PPP2R2D: variants seen among roughly 807,000 people sequenced by gnomAD.
PPP2R2D encodes the protein protein phosphatase 2 regulatory subunit Bdelta, also known as serine/threonine-protein phosphatase 2A 55 kDa regulatory subunit B delta isoform.
In PPP2R2D, 9 loss-of-function variants were observed where a neutral mutation model predicts 31.1. The ratio of observed to expected loss-of-function variants is 0.29; its 90% CI spans 0.17 to 0.51. The LOEUF is 0.51. Among genes scored for constraint, PPP2R2D ranks in the 20% least tolerant of loss-of-function variants. PPP2R2D has a pLI of 0.98. For synonymous variants in PPP2R2D, 179 were observed against 172.6 expected, an observed-to-expected ratio of 1.04 and a Z score of -0.29; for missense variants, 391 against 465.6, an observed-to-expected ratio of 0.84 and a Z score of 1.48.
At chr10:131,913,643 T>C (rs1245500951) in intron 2 of PPP2R2D, among the ~76,000 whole-genome samples, 1 of 152,118 alleles carries the variant, frequency 6.6e-6, no homozygotes. Context: ...TTCTGAGCAA[T>C]GTGTCGTTAG....
chr10:131,923,395 A>T (rs748615966), intron 2 of PPP2R2D, among the ~76,000 whole-genome samples: 1 of 152,170 alleles, frequency 6.6e-6, no homozygotes, highest in Non-Finnish European at 1.5e-5. Flanking sequence ...GGCTCTTTCA[A>T]ATGCACCTGT....
At chr10:131,924,020 T>C (rs564506015) in intron 2 of PPP2R2D, among the ~76,000 whole-genome samples, 35 of 152,198 alleles carry the variant, frequency 2.3e-4, no homozygotes, top group Non-Finnish European at 4.3e-4. Flanking sequence ...TGCCCGGGCC[T>C]TTCTTTTTAT....
At chr10:131,950,655 C>T in intron 8 of PPP2R2D, among the ~76,000 whole-genome samples, 1 of 152,176 alleles carries the variant, frequency 6.6e-6, no homozygotes, top group South Asian at 2.1e-4. Context: ...GGGAGCCTGG[C>T]CCTGCAGAAA....
intron 3 of PPP2R2D, among the ~76,000 whole-genome samples, chr10:131,936,695 T>C (rs7077135): frequency 0.24 from 37,035 of 152,172 alleles, 4,584 homozygotes; most frequent in South Asian, 0.27. Flanking sequence ...CTAAAAGATA[T>C]TGGGTATTAT....
chr10:131,928,467 C>A (rs1334002798), intron 2 of PPP2R2D, among the ~76,000 whole-genome samples: 1 of 152,190 alleles, frequency 6.6e-6, no homozygotes, highest in Non-Finnish European at 1.5e-5. Flanking sequence ...TTAGGTGATG[C>A]GTTTTAAGTA....
At chr10:131,938,954 C>G (rs2036392710) in intron 3 of PPP2R2D, among the ~76,000 whole-genome samples, 1 of 152,244 alleles carries the variant, frequency 6.6e-6, no homozygotes, top group African/African-American at 2.4e-5. Flanking sequence ...ATTTTTGCCT[C>G]TATAGCTCAT....
intron 3 of PPP2R2D, among the ~76,000 whole-genome samples, chr10:131,938,822 G>A (rs892236978): frequency 8.5e-5 from 13 of 152,170 alleles, no homozygotes; most frequent in Non-Finnish European, 1.5e-4. Flanking sequence ...TATGTGTGGC[G>A]TCTGGTTCAC....
chr10:131,929,884 C>T (rs1293754742), intron 2 of PPP2R2D, among the ~76,000 whole-genome samples: 1 of 152,206 alleles, frequency 6.6e-6, no homozygotes, highest in East Asian at 1.9e-4. Context: ...ACCTGCCCCT[C>T]CTCTCTTGCC....
the PPP2R2D span, chr10:131,970,975 G>A: frequency 7.4e-6 from 12 of 1,612,476 alleles, no homozygotes; most frequent in Non-Finnish European, 8.5e-6. The surrounding 1 kb of genome is among the most constrained non-coding windows in gnomAD (Gnocchi z 4.1). Context: ...CTCAGACTAA[G>A]ATAAAGTCAA....
rs782435865 is a variant in PPP2R2D at position 131,947,833 on chromosome 10, G to A, written c.1082+42G>A. On this transcript the variant is annotated intron_variant, in intron 8 of 8. Transcript: ENST00000455566. The surrounding 1 kb of genome is among the most constrained non-coding windows in gnomAD (Gnocchi z 4.3). ...GATGAGCTGTCGCCCCAAGCTTGCT[G>A]GTTTCCGAGAGTGCAAGGTCAGTGA... 6.3e-6 allele frequency: 10 copies of A among 1,597,354 alleles called. No homozygotes were observed. The South Asian group carries it at 1.0e-4, about 16-fold the overall frequency.
rs782185774 is a variant in PPP2R2D, at chr10:131,945,315, G to A, written c.676G>A (p.Ala226Thr). ...RSFNIVDIKP[A>T]NMEELTEVIT... is the part of the protein sequence containing the mutation. ...CCCAGACATCGTGGACATCAAGCCT[G>A]CTAACATGGAGGAGCTGACCGAAGT... The change falls in exon 7 of 9, where the codon GCT (alanine) becomes ACT (threonine). Residue 226 changes from alanine (A) to threonine (T), a missense_variant. Ala to Thr is a moderately conservative substitution (Grantham distance 58). Coordinates refer to ENST00000455566, the MANE Select transcript of PPP2R2D (RefSeq NM_018461.5). This position sits in a 1 kb window ranked among gnomAD's most constrained non-coding sequence, Gnocchi z 4.8. 1.1e-5 allele frequency: 17 copies of A among 1,613,882 alleles called. No homozygotes were observed. The African/African-American group carries it at 1.2e-4, about 11-fold the overall frequency.
chr10:131,928,390 A>T (rs1416551140), intron 2 of PPP2R2D, among the ~76,000 whole-genome samples: 1 of 152,186 alleles, frequency 6.6e-6, no homozygotes, highest in Non-Finnish European at 1.5e-5. Context: ...GCCGAAGAGG[A>T]CCTGCGGGAA....
chr10:131,952,207 G>A (rs1367367063), intron 8 of PPP2R2D, among the ~76,000 whole-genome samples: 1 of 71,186 alleles, frequency 1.4e-5, no homozygotes, highest in Non-Finnish European at 2.8e-5. Flanking sequence ...AGTGACTTGC[G>A]GGTGTGCGGG....
chr10:131,948,769 G>A (rs1263190238), intron 8 of PPP2R2D, among the ~76,000 whole-genome samples: 1 of 152,212 alleles, frequency 6.6e-6, no homozygotes, highest in Non-Finnish European at 1.5e-5. Context: ...GCTCATGGTG[G>A]CTTTTCCTGT....
intron 8 of PPP2R2D, among the ~76,000 whole-genome samples, chr10:131,949,740 C>G (rs991840804): frequency 1.1e-4 from 17 of 151,544 alleles, no homozygotes; most frequent in Non-Finnish European, 2.1e-4. Flanking sequence ...AAGTATGATA[C>G]ATGACCGCCA....
chr10:131,957,852 G>A lies in PPP2R2D; in HGVS notation c.*1889G>A, dbSNP rs567884431. On this transcript the variant is annotated 3_prime_UTR_variant, in exon 9 of 9. Coordinates refer to ENST00000455566, the MANE Select transcript of PPP2R2D (RefSeq NM_018461.5). ...TGCTGATCCCCCATCCCCATGTGGA[G>A]ATGAAGGGGTGTGTTGATCCCCTGT... The A allele has an allele frequency of 3.6e-4, 54 of 151,014 alleles. No individual in the cohort carries two copies. Among genetic ancestry groups the A allele is most frequent in the African/African-American group, 1.4e-3 (53 of 37,628 alleles). 9.4% of individuals were successfully genotyped at this position (151,014 alleles called of 1,614,324 possible).
At chr10:131,902,164 G>A in intron 2 of PPP2R2D, among the ~76,000 whole-genome samples, 1 of 152,308 alleles carries the variant, frequency 6.6e-6, no homozygotes, top group Admixed American at 6.5e-5. Flanking sequence ...ACTTGGTCGA[G>A]TCTTAGAAGT....
chr10:131,902,529 A>T (rs1275341792), intron 2 of PPP2R2D, among the ~76,000 whole-genome samples: 3 of 152,186 alleles, frequency 2.0e-5, no homozygotes, highest in South Asian at 2.1e-4. Flanking sequence ...AATGCGTAAT[A>T]TATATGGTTT....
downstream of PPP2R2D, among the ~76,000 whole-genome samples, chr10:131,962,676 T>C (rs1018641768): frequency 6.6e-6 from 1 of 151,594 alleles, no homozygotes; most frequent in Non-Finnish European, 1.5e-5. Flanking sequence ...AACAAAACAC[T>C]GGCACCACCC....
Sources: gnomAD v4.1 joint callset for allele counts (sites outside exome capture counted in the v4.1 genomes callset) on GRCh38, gnomAD v4.1.1 for gene constraint, Gnocchi (gnomAD v3.1) non-coding constraint, MANE v1.5 for transcripts, NCBI Gene and HGNC (gene_info 2026-07-23, HGNC 2026-07-21) for gene names.